The following TBC1D7 variants were observed in gnomAD, a reference collection of about 807,000 sequenced individuals.
TBC1D7 encodes the protein TBC domain family 7.
Under a neutral mutation model 35.3 loss-of-function variants are expected in TBC1D7, and 33 were observed. The observed-to-expected ratio is 0.93, with a 90% CI of 0.71 to 1.25. The LOEUF is 1.25. Among genes scored for constraint, TBC1D7 ranks in the 50% most tolerant of loss-of-function variants. The pLI, the probability that TBC1D7 is intolerant of heterozygous loss-of-function variation, is 0.00. For missense variants in TBC1D7, 362 were observed against 365.3 expected (o/e 0.99, Z 0.07); for synonymous variants, 135 against 129.5 (o/e 1.04, Z -0.29).
At chr6:13,311,517 G>T (rs1783210954) in intron 5 of TBC1D7, among the ~76,000 whole-genome samples, 1 of 152,194 alleles carries the variant, frequency 6.6e-6, no homozygotes, top group Non-Finnish European at 1.5e-5. Context: ...ACTAAAGATG[G>T]TTTCACTAGA....
At position 13,325,119 on chromosome 6, in the gene TBC1D7, ACG is replaced by A. The variant is rs773918874; in HGVS notation, c.166_167del (p.Arg56CysfsTer26). 11 of 1,613,646 alleles carry A rather than the reference ACG, an allele frequency of 6.8e-6. No homozygotes were observed. Among genetic ancestry groups the A allele is most frequent in the Non-Finnish European group, 9.3e-6 (11 of 1,179,704 alleles). ...CTAGAAGCACCTTCCATACCAATGC[ACG>A]GTACATGGACGGGAGAGGGAACCTC... ...SQRFPLPSMY[R>X]ALVWKVLLGI... On this transcript the variant is annotated frameshift_variant, in exon 3 of 8. Transcript: ENST00000379300. LOFTEE classifies it high-confidence loss of function.
At position 13,305,102 on chromosome 6, in the gene TBC1D7, C is replaced by T. The variant is rs761793857; in HGVS notation, c.881G>A (p.Ter294=). 1.5e-5 allele frequency: 24 copies of T among 1,609,262 alleles called. No homozygotes were observed. The highest frequency in any genetic ancestry group is 3.3e-4 in the Middle Eastern group (2 of 6,062). The change falls in exon 8 of 8, where the codon TGA becomes TAA. Residue 294 remains the stop codon, a stop_retained_variant. Transcript: ENST00000379300. The part of the protein sequence containing the change: ...KHCGTPVHSS[*] Reference sequence around the variant, plus strand: ...ACGGTCCACAACCAGCGGGTGCGTTCAGCTTGAATGGACCGGGGTCCCACA... The same window carrying T: ...ACGGTCCACAACCAGCGGGTGCGTTTAGCTTGAATGGACCGGGGTCCCACA...
intron 2 of TBC1D7, 67 bp downstream of exon 2, chr6:13,326,720 A>G: frequency 9.5e-7 from 1 of 1,049,906 alleles, no homozygotes; most frequent in Admixed American, 2.4e-5. Flanking sequence ...GTCTTTTAAG[A>G]AAATATTTAC....
chr6:13,308,529 A>G (rs184437843), intron 5 of TBC1D7, among the ~76,000 whole-genome samples: 2 of 152,186 alleles, frequency 1.3e-5, no homozygotes, highest in Non-Finnish European at 2.9e-5. Flanking sequence ...GGCCAAATCC[A>G]TCTTGCATTG....
intron 3 of TBC1D7, among the ~76,000 whole-genome samples, chr6:13,321,687 G>A (rs1338539289): frequency 1.3e-5 from 2 of 152,156 alleles, no homozygotes; most frequent in Admixed American, 1.3e-4. Context: ...ATGGCTCTGA[G>A]GAAACACAGT....
At chr6:13,305,464 G>T (rs1237256994) in intron 7 of TBC1D7, among the ~76,000 whole-genome samples, 1 of 152,164 alleles carries the variant, frequency 6.6e-6, no homozygotes, top group Non-Finnish European at 1.5e-5. Flanking sequence ...TAAAATGGGG[G>T]AAATGATAGC....
chr6:13,324,024 T>C (rs1784233778), intron 3 of TBC1D7, among the ~76,000 whole-genome samples: 1 of 152,246 alleles, frequency 6.6e-6, no homozygotes, highest in Non-Finnish European at 1.5e-5. Flanking sequence ...CTGACAGGCA[T>C]ACAGGGATGC....
At chr6:13,307,369 T>G (rs1279433252) in intron 6 of TBC1D7, 1 of 433,494 alleles carries the variant, frequency 2.3e-6, no homozygotes, top group African/African-American at 2.0e-5. Context: ...TGGAGACCAT[T>G]TGAGGTGTGA....
rs199642739 is a variant in TBC1D7, at chr6:13,320,966, T to C, written c.323A>G (p.Tyr108Cys). 1.9e-5 allele frequency: 31 copies of C among 1,614,070 alleles called. No homozygotes were observed. The highest frequency in any genetic ancestry group is 3.3e-5 in the South Asian group (3 of 91,090). The change falls in exon 4 of 8, where the codon TAT becomes TGT. Residue 108 changes from tyrosine (Y) to cysteine (C), a missense_variant. Coordinates refer to ENST00000379300, the MANE Select transcript of TBC1D7 (RefSeq NM_016495.6). ...AGACTCCAGCTGATACATGCGGAGATAGACTTCAGCCTGAGGTGTGGCATC... is the reference window on the plus strand; with the variant it reads ...AGACTCCAGCTGATACATGCGGAGACAGACTTCAGCCTGAGGTGTGGCATC... ...VSDATPQAEVYLRMYQLESGK... is the reference protein window; with the variant it reads ...VSDATPQAEVCLRMYQLESGK...
At chr6:13,318,567 A>G (rs894420672) in intron 4 of TBC1D7, among the ~76,000 whole-genome samples, 5 of 152,254 alleles carry the variant, frequency 3.3e-5, no homozygotes, top group Admixed American at 1.3e-4. Context: ...CTCTCTCGAT[A>G]AACGTAAGAA....
chr6:13,315,036 C>T (rs1207834513), intron 5 of TBC1D7, among the ~76,000 whole-genome samples: 2 of 152,166 alleles, frequency 1.3e-5, no homozygotes, highest in African/African-American at 4.8e-5. Flanking sequence ...ATGTCACTCA[C>T]AGAGCCCCTG....
Position 13,321,103 on chromosome 6 carries a change from G to C in TBC1D7, c.194-8C>G, listed in dbSNP as rs771799283. On this transcript the variant is annotated splice_polypyrimidine_tract_variant and splice_region_variant and intron_variant, in intron 3 of 7. Transcript: ENST00000379300. ...GGTGTGGAGGCAAGATTCCTAGAGA[G>C]AACAGGAAAAACGAAAAAAGGACAA... The C allele has an allele frequency of 1.9e-6, 3 of 1,599,434 alleles. No homozygotes were observed. Among genetic ancestry groups the C allele is most frequent in the South Asian group, 2.2e-5 (2 of 89,764 alleles).
chr6:13,315,317 C>G (rs373193772), intron 5 of TBC1D7, among the ~76,000 whole-genome samples: 12 of 152,336 alleles, frequency 7.9e-5, no homozygotes, highest in African/African-American at 2.9e-4. Context: ...TGATCCACTT[C>G]CACTTCATAA....
chr6:13,316,795 T>C, intron 4 of TBC1D7, 87 bp from the exon 5 acceptor site: 3 of 1,506,298 alleles, frequency 2.0e-6, no homozygotes, highest in Non-Finnish European at 2.7e-6. Flanking sequence ...CCTTGCTCCC[T>C]AAATTTTGAA....
chr6:13,321,155 T>C lies in TBC1D7; in HGVS notation c.194-60A>G, dbSNP rs1473171805. On this transcript the variant is annotated intron_variant, in intron 3 of 7. Transcript: ENST00000379300. ...ATACTGAGCCATCACTCCAAATCCC[T>C]CATCTATGAAAGAGGATGCCGTGAG... 7.5e-6 allele frequency: 11 copies of C among 1,472,372 alleles called. No homozygotes were observed. The East Asian group carries it at 2.5e-4, about 34-fold the overall frequency. The allele number at this position is 1,472,372 out of a possible 1,614,324, so 91.2% of individuals were successfully genotyped here. A position where few individuals can be genotyped will look rare whatever the true frequency, so the allele number is the denominator to read the frequency against.
chr6:13,310,326 A>AT, intron 5 of TBC1D7, among the ~76,000 whole-genome samples: 1 of 152,352 alleles, frequency 6.6e-6, no homozygotes, highest in Admixed American at 6.5e-5. Flanking sequence ...ATAGAACAGT[A>AT]TGAATATATT....
intron 5 of TBC1D7, among the ~76,000 whole-genome samples, chr6:13,314,744 A>C (rs1277738068): frequency 6.6e-6 from 1 of 152,222 alleles, no homozygotes; most frequent in Non-Finnish European, 1.5e-5. Flanking sequence ...AGTGATCCTC[A>C]ATGCTCATCC....
rs184437843 is a variant in TBC1D7, at chr6:13,308,529, A to T, written c.520-784T>A. On this transcript the variant is annotated intron_variant, in intron 5 of 7. Transcript: ENST00000379300. Reference sequence around the variant, plus strand: ...CAGCTCCCCAAACCTGGCCAAATCCATCTTGCATTGGCTGCTATATTTAGG... The same window carrying T: ...CAGCTCCCCAAACCTGGCCAAATCCTTCTTGCATTGGCTGCTATATTTAGG... Among the ~76,000 whole-genome samples the T allele has an allele frequency of 1.3e-5, 2 of 152,302 alleles. 1 individual carries two copies. Among genetic ancestry groups the T allele is most frequent in the Non-Finnish European group, 2.9e-5 (2 of 68,028 alleles).
chr6:13,324,025 A>ACCCTGT (rs1784233968), intron 3 of TBC1D7, among the ~76,000 whole-genome samples: 1 of 152,268 alleles, frequency 6.6e-6, no homozygotes, highest in Admixed American at 6.5e-5. Context: ...TGACAGGCAT[A>ACCCTGT]CAGGGATGCC....
Sources: gnomAD v4.1 joint callset for allele counts (sites outside exome capture counted in the v4.1 genomes callset) on GRCh38, gnomAD v4.1.1 for gene constraint, MANE v1.5 for transcripts, NCBI Gene and HGNC (gene_info 2026-07-23, HGNC 2026-07-21) for gene names.